Variants in FUBP3 observed in about 807,000 individuals in gnomAD.
FUBP3 encodes the protein far upstream element-binding protein 3.
In FUBP3, 28 loss-of-function variants were observed where a neutral mutation model predicts 85.6. The ratio of observed to expected loss-of-function variants is 0.33; its 90% CI spans 0.24 to 0.45. The LOEUF (loss-of-function observed/expected upper bound fraction) is 0.45, where lower values mean the gene tolerates loss of function less well. Ranked by LOEUF, FUBP3 falls within the 20% of genes least tolerant of loss-of-function variation. The probability of loss-of-function intolerance (pLI) is 1.00; values close to 1 mark genes in which losing one functional copy is unlikely to be tolerated. For synonymous variants in FUBP3, 271 were observed against 271.4 expected, an observed-to-expected ratio of 1.00 and a Z score of 0.01; for missense variants, 583 against 755.1, an observed-to-expected ratio of 0.77 and a Z score of 2.67.
rs547543979 is a variant in FUBP3 at position 130,615,601 on chromosome 9, C to T, written c.405-754C>T. 8.5e-5 allele frequency among the ~76,000 whole-genome samples: 13 copies of T among 152,334 alleles called. No individual in the cohort carries two copies. In the South Asian group the frequency reaches 2.7e-3, roughly 32 times the overall value. On this transcript the variant is annotated intron_variant, in intron 6 of 18. Transcript: ENST00000319725. ...AAAAGGAAATTGGCACAGCAGATGA[C>T]TTTGGTGGTCTGGGCTGTGCTGTCA...
chr9:130,626,462 A>G lies in FUBP3; in HGVS notation c.1074A>G (p.Thr358=). ...CCCCTGGTGGCGTCCAGGAGATAAC[A>G]TACACGGTGCCAGCCGATAAGTGTG... The part of the protein sequence containing the change: ...VGAPGGVQEI[T]YTVPADKCGL... The change falls in exon 12 of 19, where the codon ACA becomes ACG. Residue 358 remains threonine, a synonymous_variant. Coordinates refer to ENST00000319725, the MANE Select transcript of FUBP3 (RefSeq NM_003934.2). 6.2e-7 allele frequency: 1 copy of G among 1,614,172 alleles called. No homozygotes were observed. The highest frequency in any genetic ancestry group is 8.5e-7 in the Non-Finnish European group (1 of 1,180,044).
At position 130,607,279 on chromosome 9, in the gene FUBP3, C is replaced by CT. The variant is rs879356941; in HGVS notation, c.191-2660dup. Among the ~76,000 whole-genome samples, 968 of 141,446 alleles carry CT rather than the reference C, an allele frequency of 6.8e-3. 10 individuals are homozygous for CT. Among genetic ancestry groups the CT allele is most frequent in the East Asian group, 0.019 (95 of 4,916 alleles). 92.8% of individuals were successfully genotyped at this position (141,446 alleles called of 152,430 possible). A position where few individuals can be genotyped will look rare whatever the true frequency, so the allele number is the denominator to read the frequency against. On this transcript the variant is annotated intron_variant, in intron 2 of 18. Coordinates refer to ENST00000319725, the MANE Select transcript of FUBP3 (RefSeq NM_003934.2). ...GAGTGACAGCACCTGACCTGACCTC[C>CT]TTTTTTTTTTTTTTTAAGATTATTA...
chr9:130,613,643 A>G (rs575612332), intron 5 of FUBP3, among the ~76,000 whole-genome samples: 5 of 152,356 alleles, frequency 3.3e-5, no homozygotes, highest in African/African-American at 9.6e-5. Flanking sequence ...TTGACTAGAA[A>G]AATGTCCTTT....
intron 1 of FUBP3, among the ~76,000 whole-genome samples, chr9:130,592,018 G>T (rs1830646443): frequency 4.6e-5 from 7 of 152,160 alleles, no homozygotes; most frequent in Admixed American, 4.6e-4. Flanking sequence ...GATCACCTGA[G>T]GTCAGGAGTT....
At chr9:130,588,765 G>A (rs936670712) in intron 1 of FUBP3, among the ~76,000 whole-genome samples, 6 of 152,212 alleles carry the variant, frequency 3.9e-5, no homozygotes, top group Non-Finnish European at 1.5e-5. Context: ...ACATTAGGTA[G>A]TGGGATGCAG....
intron 18 of FUBP3, among the ~76,000 whole-genome samples, chr9:130,636,724 T>C (rs969660930): frequency 1.3e-5 from 2 of 152,234 alleles, no homozygotes; most frequent in Admixed American, 1.3e-4. Flanking sequence ...ACATTTCAGT[T>C]ACCTCCTGGC....
rs76796364 is a variant in FUBP3, at chr9:130,623,000, C to A, written c.874+190C>A. On this transcript the variant is annotated intron_variant, in intron 10 of 18. Transcript: ENST00000319725. ...TTCTTCTCCCAGCCTTCTTTTCCCT[C>A]CCCGGATACATGTCGGTCACCTTTG... Among the ~76,000 whole-genome samples the A allele has an allele frequency of 6.5e-3, 988 of 152,264 alleles. 10 individuals are homozygous for A. Among genetic ancestry groups the A allele is most frequent in the Middle Eastern group, 0.01 (3 of 294 alleles).
intron 1 of FUBP3, 145 bp from the exon 2 acceptor site, chr9:130,595,338 T>A: frequency 1.7e-6 from 1 of 578,574 alleles, no homozygotes; most frequent in Non-Finnish European, 3.1e-6. Context: ...CAGTGAAAAG[T>A]ATTTGTGCTC....
intron 1 of FUBP3, among the ~76,000 whole-genome samples, chr9:130,583,216 A>G (rs1225910700): frequency 6.6e-6 from 1 of 152,216 alleles, no homozygotes; most frequent in Non-Finnish European, 1.5e-5. Flanking sequence ...GTGGGGCCTC[A>G]GAAGTTCCAC....
chr9:130,636,104 G>A lies in FUBP3; in HGVS notation c.1688G>A (p.Gly563Glu). Reference protein sequence around the residue: ...QQVAFYGQTLGQAQAHSQEQ With the variant: ...QQVAFYGQTLEQAQAHSQEQ ...GTCGCTTTCTACGGACAGACGTTAG[G>A]GCAGGCGCAGGCCCACAGCCAGGTC... Residue 563 changes from glycine (G) to glutamate (E), a missense_variant, in exon 18 of 19, where the codon GGG (glycine) becomes GAG (glutamate). Physicochemically the swap from Gly to Glu is moderately conservative, Grantham distance 98 (BLOSUM62 -2). This residue lies in a region of FUBP3 where 404 missense variants were observed against 516.8 expected (regional missense o/e 0.78). Transcript: ENST00000319725. 1 of 1,613,552 alleles carries A rather than the reference G, an allele frequency of 6.2e-7. No individual in the cohort carries two copies. The highest frequency in any genetic ancestry group is 8.5e-7 in the Non-Finnish European group (1 of 1,179,936).
chr9:130,606,894 A>AG (rs143774161), intron 2 of FUBP3, among the ~76,000 whole-genome samples: 12,402 of 150,506 alleles, frequency 0.082, 1,052 homozygotes, highest in African/African-American at 0.21. Context: ...CTTTTGGAGG[A>AG]GAAAAAAAAA....
chr9:130,594,830 G>A (rs1830786944), intron 1 of FUBP3, among the ~76,000 whole-genome samples: 1 of 147,294 alleles, frequency 6.8e-6, no homozygotes, highest in Admixed American at 6.7e-5. Context: ...TGTGAGAAAA[G>A]TTAAACTTTT....
At chr9:130,624,627 G>A (rs1829893441) in intron 11 of FUBP3, among the ~76,000 whole-genome samples, 1 of 149,954 alleles carries the variant, frequency 6.7e-6, no homozygotes, top group African/African-American at 2.5e-5. Context: ...GTGTGTGTGT[G>A]TGTGTGTGTG....
intron 5 of FUBP3, among the ~76,000 whole-genome samples, chr9:130,613,934 A>G (rs1321543333): frequency 6.6e-6 from 1 of 152,216 alleles, no homozygotes; most frequent in Non-Finnish European, 1.5e-5. Context: ...GTGCAGACAA[A>G]TGACCATTAA....
At chr9:130,614,402 G>GA in intron 6 of FUBP3, 57 bp downstream of exon 6, 2 of 1,120,028 alleles carry the variant, frequency 1.8e-6, no homozygotes, top group Non-Finnish European at 2.7e-6. Flanking sequence ...CCCAAATGGG[G>GA]AGAAATGGAA....
Position 130,635,839 on chromosome 9 carries a change from T to C in FUBP3, c.1583-160T>C, listed in dbSNP as rs1213652745. 8 of 686,568 alleles carry C rather than the reference T, an allele frequency of 1.2e-5. No homozygotes were observed. Among genetic ancestry groups the C allele is most frequent in the African/African-American group, 1.1e-4 (6 of 55,932 alleles). The allele number at this position is 686,568 out of a possible 1,614,324, so 42.5% of individuals were successfully genotyped here. ...AACAAGAGGCTAACAGCACCTTTTGTAGCAAGCGCTCCTGCAACACCAGCC... is the reference window on the plus strand; with the variant it reads ...AACAAGAGGCTAACAGCACCTTTTGCAGCAAGCGCTCCTGCAACACCAGCC... On this transcript the variant is annotated intron_variant, in intron 17 of 18. Coordinates refer to ENST00000319725, the MANE Select transcript of FUBP3 (RefSeq NM_003934.2). This position sits in a 1 kb window ranked among gnomAD's most constrained non-coding sequence, Gnocchi z 4.3.
chr9:130,602,510 A>G (rs531625304), intron 2 of FUBP3, among the ~76,000 whole-genome samples: 4 of 152,098 alleles, frequency 2.6e-5, no homozygotes, highest in Admixed American at 6.6e-5. Context: ...GGTGAGAGCC[A>G]TGATGCCCGG....
chr9:130,594,468 A>G (rs1564194122), intron 1 of FUBP3, among the ~76,000 whole-genome samples: 1 of 152,106 alleles, frequency 6.6e-6, no homozygotes, highest in Non-Finnish European at 1.5e-5. Context: ...CTGTAATCCC[A>G]GCTACTCAGG....
chr9:130,623,708 C>T lies in FUBP3; in HGVS notation c.972C>T (p.Ala324=), dbSNP rs762572286. The change falls in exon 11 of 19, where the codon GCC becomes GCT. Residue 324 remains alanine, a synonymous_variant. Transcript: ENST00000319725. ...TCATCAGCGAGCTGATTCTTACAGCCCAGGTGGGTCCAGCTCTGCAGAGTG... is the reference window on the plus strand; with the variant it reads ...TCATCAGCGAGCTGATTCTTACAGCTCAGGTGGGTCCAGCTCTGCAGAGTG... The part of the protein sequence containing the change: ...AHIISELILT[A]QERDGFGGLA... The T allele has an allele frequency of 1.9e-6, 3 of 1,603,562 alleles. No individual in the cohort carries two copies. The highest frequency in any genetic ancestry group is 2.6e-6 in the Non-Finnish European group (3 of 1,170,814).
Sources: gnomAD v4.1 joint callset for allele counts (sites outside exome capture counted in the v4.1 genomes callset) on GRCh38, gnomAD v4.1.1 for gene constraint, gnomAD v4.1.1 regional missense constraint, Gnocchi (gnomAD v3.1) non-coding constraint, MANE v1.5 for transcripts, NCBI Gene and HGNC (gene_info 2026-07-23, HGNC 2026-07-21) for gene names.